Variants in ADCY2 observed in about 807,000 individuals in gnomAD.
ADCY2 encodes the protein adenylate cyclase 2.
Under a neutral mutation model 125.2 loss-of-function variants are expected in ADCY2, and 31 were observed. The observed-to-expected ratio is 0.25, with a 90% CI of 0.19 to 0.33. The LOEUF is 0.33. ADCY2 is among the 10% of genes least tolerant of loss of function. The probability of loss-of-function intolerance (pLI) is 1.00; values close to 1 mark genes in which losing one functional copy is unlikely to be tolerated. For synonymous variants in ADCY2, 512 were observed against 548.4 expected (o/e 0.93, Z 0.93); for missense variants, 904 against 1,418.2 (o/e 0.64, Z 5.82).
intron 4 of ADCY2, chr5:7,654,006 G>A (rs780848450): frequency 9.2e-5 from 42 of 455,124 alleles, no homozygotes; most frequent in South Asian, 2.0e-4. Context: ...GGAGCCACAC[G>A]TCTAGAGGTC....
chr5:7,540,306 A>T (rs954236007), intron 3 of ADCY2, among the ~76,000 whole-genome samples: 1 of 152,070 alleles, frequency 6.6e-6, no homozygotes, highest in Non-Finnish European at 1.5e-5. Flanking sequence ...ACCAAAAAAA[A>T]AAAGAAAGAA....
chr5:7,412,762 G>A (rs1176548951), intron 1 of ADCY2, among the ~76,000 whole-genome samples: 2 of 152,228 alleles, frequency 1.3e-5, no homozygotes, highest in South Asian at 2.1e-4. Flanking sequence ...CACAGGCTAT[G>A]CCTGGCTGGA....
intron 9 of ADCY2, 53 bp downstream of exon 9, chr5:7,707,891 T>C: frequency 1.3e-6 from 2 of 1,577,460 alleles, no homozygotes; most frequent in Non-Finnish European, 1.7e-6. Context: ...AGCAAATTAT[T>C]GATATTCATA....
intron 4 of ADCY2, among the ~76,000 whole-genome samples, chr5:7,628,205 C>T (rs575457459): frequency 9.5e-4 from 144 of 152,256 alleles, no homozygotes; most frequent in African/African-American, 2.7e-3. Flanking sequence ...TTTCCTTTCT[C>T]AAGCAGTACA....
At chr5:7,693,586 G>C (rs1005182915) in intron 5 of ADCY2, among the ~76,000 whole-genome samples, 2 of 151,816 alleles carry the variant, frequency 1.3e-5, no homozygotes, top group Non-Finnish European at 2.9e-5. Flanking sequence ...GCCCAGTTAA[G>C]TTTTTTTGTA....
chr5:7,826,380 T>A (rs76522312), intron 24 of ADCY2, among the ~76,000 whole-genome samples: 1,701 of 152,314 alleles, frequency 0.011, 30 homozygotes, highest in East Asian at 0.063. Context: ...CATCATGTGG[T>A]TGAAATCATA....
intron 1 of ADCY2, among the ~76,000 whole-genome samples, chr5:7,410,261 A>G (rs1739657456): frequency 1.3e-5 from 2 of 152,184 alleles, no homozygotes; most frequent in Admixed American, 1.3e-4. Flanking sequence ...AATTTTTTTA[A>G]TTAAATAGAA....
Position 7,553,757 on chromosome 5 carries a change from G to T in ADCY2, c.570+32858G>T, listed in dbSNP as rs116446634. 4.0e-3 allele frequency among the ~76,000 whole-genome samples: 607 copies of T among 152,248 alleles called. 8 individuals are homozygous for T. Among genetic ancestry groups the T allele is most frequent in the African/African-American group, 0.014 (578 of 41,552 alleles). On this transcript the variant is annotated intron_variant, in intron 3 of 24. Coordinates refer to ENST00000338316, the MANE Select transcript of ADCY2 (RefSeq NM_020546.3). ...TTGCTCCCACTGTGCATGAACCCTGGGGTCAGGGACTGAAGGTTTCTCTCT... is the reference window on the plus strand; with the variant it reads ...TTGCTCCCACTGTGCATGAACCCTGTGGTCAGGGACTGAAGGTTTCTCTCT...
chr5:7,821,449 G>A (rs1345561316), intron 24 of ADCY2, among the ~76,000 whole-genome samples: 2 of 152,180 alleles, frequency 1.3e-5, no homozygotes, highest in Non-Finnish European at 2.9e-5. Flanking sequence ...CAGAATCAAG[G>A]AAGAGCGGGA....
chr5:7,451,558 A>G (rs1008416931), intron 2 of ADCY2, among the ~76,000 whole-genome samples: 5 of 152,242 alleles, frequency 3.3e-5, no homozygotes, highest in African/African-American at 1.2e-4. Context: ...TGAAATGACA[A>G]CAAAGGATTT....
Position 7,724,615 on chromosome 5 carries a change from G to A in ADCY2, c.1773+1G>A. On this transcript the variant is annotated splice_donor_variant, in intron 13 of 24. Coordinates refer to ENST00000338316, the MANE Select transcript of ADCY2 (RefSeq NM_020546.3). LOFTEE classifies it high-confidence loss of function. ...CTATAACAAAGTACTAGAAAAAGAG[G>A]TAAGTTTTTTTCTTCTTCAAAATCA... 6.4e-7 allele frequency: 1 copy of A among 1,569,418 alleles called. No homozygotes were observed. Among genetic ancestry groups the A allele is most frequent in the Non-Finnish European group, 8.6e-7 (1 of 1,160,864 alleles).
intron 20 of ADCY2, among the ~76,000 whole-genome samples, chr5:7,790,104 C>A (rs3816620): frequency 0.33 from 50,626 of 151,954 alleles, 8,763 homozygotes; most frequent in Admixed American, 0.46. Flanking sequence ...GCACTAGGAT[C>A]CCAAATATGC....
chr5:7,477,818 A>G (rs1255307298), intron 2 of ADCY2, among the ~76,000 whole-genome samples: 2 of 152,216 alleles, frequency 1.3e-5, no homozygotes, highest in East Asian at 1.9e-4. Flanking sequence ...TCGTCGCCGT[A>G]TCACTGCTCT....
chr5:7,660,163 C>T (rs1346884599), intron 4 of ADCY2, among the ~76,000 whole-genome samples: 1 of 140,556 alleles, frequency 7.1e-6, no homozygotes, highest in Non-Finnish European at 1.5e-5. Context: ...CAAATCTGTA[C>T]ACATACCTCC....
At chr5:7,474,578 G>T (rs114518494) in intron 2 of ADCY2, among the ~76,000 whole-genome samples, 2,086 of 152,312 alleles carry the variant, frequency 0.014, 16 homozygotes, top group Non-Finnish European at 0.022. Context: ...CCAGACAGAA[G>T]ATATCAAAGA....
At chr5:7,469,635 A>G (rs1742261739) in intron 2 of ADCY2, among the ~76,000 whole-genome samples, 1 of 151,662 alleles carries the variant, frequency 6.6e-6, no homozygotes, top group Non-Finnish European at 1.5e-5. Flanking sequence ...CATTTATCCT[A>G]TTCTGATGTT....
intron 3 of ADCY2, among the ~76,000 whole-genome samples, chr5:7,568,623 A>T (rs531562695): frequency 6.6e-6 from 1 of 152,282 alleles, no homozygotes; most frequent in African/African-American, 2.4e-5. Context: ...TTCACACCAG[A>T]TAGGCTGTTT....
chr5:7,825,537 C>G (rs1000341048), intron 24 of ADCY2, among the ~76,000 whole-genome samples: 20 of 152,250 alleles, frequency 1.3e-4, no homozygotes, highest in Non-Finnish European at 2.2e-4. Context: ...CAGCTGCCTT[C>G]TCAGATGAAG....
intron 3 of ADCY2, among the ~76,000 whole-genome samples, chr5:7,610,702 G>A (rs1233437012): frequency 6.6e-6 from 1 of 152,160 alleles, no homozygotes; most frequent in Non-Finnish European, 1.5e-5. Flanking sequence ...AGAGATGGAT[G>A]CCATAGCATT....
Sources: gnomAD v4.1 joint callset for allele counts (sites outside exome capture counted in the v4.1 genomes callset) on GRCh38, gnomAD v4.1.1 for gene constraint, MANE v1.5 for transcripts, NCBI Gene and HGNC (gene_info 2026-07-23, HGNC 2026-07-21) for gene names.